Variants in ZBTB20 observed in about 807,000 individuals in gnomAD.
The protein encoded by ZBTB20 is zinc finger and BTB domain containing 20, also known as zinc finger and BTB domain-containing protein 20.
Under a neutral mutation model 56.9 loss-of-function variants are expected in ZBTB20, and 9 were observed. The observed-to-expected ratio is 0.16, with a 90% CI of 0.10 to 0.28. The LOEUF (loss-of-function observed/expected upper bound fraction) is 0.28, where lower values mean the gene tolerates loss of function less well. ZBTB20 is among the 10% of genes least tolerant of loss of function. The pLI is 1.00. For missense variants in ZBTB20, 655 were observed against 1,003.0 expected (o/e 0.65, Z 4.69); for synonymous variants, 417 against 420.7 (o/e 0.99, Z 0.11).
At chr3:114,869,617 A>C (rs908994938) in intron 4 of ZBTB20, among the ~76,000 whole-genome samples, 1 of 151,662 alleles carries the variant, frequency 6.6e-6, no homozygotes, top group South Asian at 2.1e-4. Flanking sequence ...GTTAATAACA[A>C]ATGCTTCCTT....
chr3:114,625,839 G>A (rs1006519693), intron 6 of ZBTB20, among the ~76,000 whole-genome samples: 1 of 151,976 alleles, frequency 6.6e-6, no homozygotes, highest in African/African-American at 2.4e-5. Context: ...AGAAAAACAA[G>A]GTTCAACATA....
intron 7 of ZBTB20, among the ~76,000 whole-genome samples, chr3:114,416,738 A>T (rs1189987095): frequency 6.6e-6 from 1 of 152,070 alleles, no homozygotes; most frequent in Admixed American, 6.6e-5. Context: ...TTATAACTCA[A>T]CTATCAAAAT....
intron 3 of ZBTB20, among the ~76,000 whole-genome samples, chr3:114,915,035 T>C (rs1057013035): frequency 2.0e-5 from 3 of 151,566 alleles, no homozygotes; most frequent in Admixed American, 2.0e-4. Context: ...TTGTTTTCTT[T>C]TCTTTTTTTT....
chr3:115,087,056 A>T (rs2083012070), intron 1 of ZBTB20, among the ~76,000 whole-genome samples: 1 of 151,846 alleles, frequency 6.6e-6, no homozygotes. Flanking sequence ...GGGTTCAAGC[A>T]CAGAGGCTAA....
intron 6 of ZBTB20, among the ~76,000 whole-genome samples, chr3:114,686,705 G>C (rs1016186893): frequency 6.6e-6 from 1 of 151,892 alleles, no homozygotes; most frequent in African/African-American, 2.4e-5. Context: ...CTGAATCCTC[G>C]AAAAACCACA....
At chr3:114,653,095 C>G (rs2060216202) in intron 6 of ZBTB20, among the ~76,000 whole-genome samples, 1 of 151,904 alleles carries the variant, frequency 6.6e-6, no homozygotes, top group African/African-American at 2.4e-5. Context: ...CACAATGTTA[C>G]TTCTTCCTTT....
chr3:114,824,848 T>A (rs1055145209), intron 4 of ZBTB20, among the ~76,000 whole-genome samples: 4 of 152,076 alleles, frequency 2.6e-5, no homozygotes, highest in South Asian at 2.1e-4. Context: ...TTTCATTAGC[T>A]TATATTTTTA....
At chr3:115,143,898 T>C (rs2084891265) in intron 1 of ZBTB20, among the ~76,000 whole-genome samples, 1 of 152,192 alleles carries the variant, frequency 6.6e-6, no homozygotes, top group Admixed American at 6.5e-5. Context: ...TCTTTCAAAC[T>C]GTAGTTCCTA....
At chr3:114,670,945 A>G (rs73224538) in intron 6 of ZBTB20, among the ~76,000 whole-genome samples, 1,720 of 152,134 alleles carry the variant, frequency 0.011, 25 homozygotes, top group Non-Finnish European at 0.017. Context: ...AACTGTTGAC[A>G]TTTTTTGCTG....
chr3:114,951,610 G>A (rs569608431), intron 3 of ZBTB20, among the ~76,000 whole-genome samples: 1 of 152,212 alleles, frequency 6.6e-6, no homozygotes, highest in South Asian at 2.1e-4. Context: ...AACCACAGAA[G>A]GAATCTTGTA....
intron 5 of ZBTB20, among the ~76,000 whole-genome samples, chr3:114,774,769 C>T (rs567931237): frequency 1.3e-5 from 2 of 152,240 alleles, no homozygotes; most frequent in Admixed American, 6.5e-5. Context: ...ATAAGAAAGG[C>T]ATGATGTTCT....
At chr3:114,965,826 G>T (rs1294837956) in intron 3 of ZBTB20, among the ~76,000 whole-genome samples, 2 of 151,834 alleles carry the variant, frequency 1.3e-5, no homozygotes, top group Admixed American at 1.3e-4. Flanking sequence ...CGTCTATTCA[G>T]GTCCTTTGCC....
intron 4 of ZBTB20, among the ~76,000 whole-genome samples, chr3:114,863,757 T>C (rs2075640165): frequency 6.6e-6 from 1 of 152,086 alleles, no homozygotes; most frequent in Non-Finnish European, 1.5e-5. Flanking sequence ...TGGGTTCACT[T>C]GTAGGACACA....
At chr3:114,646,329 G>A (rs1377989818) in intron 6 of ZBTB20, among the ~76,000 whole-genome samples, 2 of 151,864 alleles carry the variant, frequency 1.3e-5, no homozygotes, top group Non-Finnish European at 2.9e-5. Flanking sequence ...TACAGAGAAC[G>A]AAAGATACAT....
intron 2 of ZBTB20, among the ~76,000 whole-genome samples, chr3:115,062,829 T>C (rs954640949): frequency 1.3e-5 from 2 of 152,160 alleles, no homozygotes; most frequent in African/African-American, 4.8e-5. Context: ...TGAGAATAGA[T>C]GCACTAGCCA....
chr3:114,995,991 A>T (rs1483308474), intron 2 of ZBTB20, among the ~76,000 whole-genome samples: 1 of 151,868 alleles, frequency 6.6e-6, no homozygotes, highest in Non-Finnish European at 1.5e-5. Flanking sequence ...AGGGAATGTC[A>T]GCAAATGTCA....
intron 5 of ZBTB20, among the ~76,000 whole-genome samples, chr3:114,701,503 G>A (rs1238039500): frequency 6.6e-6 from 1 of 152,162 alleles, no homozygotes; most frequent in Non-Finnish European, 1.5e-5. Context: ...TATTTACTGA[G>A]TACATACTAC....
intron 6 of ZBTB20, among the ~76,000 whole-genome samples, chr3:114,555,475 C>T (rs2051093817): frequency 6.6e-6 from 1 of 152,012 alleles, no homozygotes; most frequent in Non-Finnish European, 1.5e-5. Context: ...CACAATATTT[C>T]CCCCATAGAA....
chr3:115,083,732 T>C (rs1039317478), intron 1 of ZBTB20, among the ~76,000 whole-genome samples: 11 of 151,992 alleles, frequency 7.2e-5, no homozygotes, highest in Non-Finnish European at 1.5e-4. Flanking sequence ...TAGGGGTCAA[T>C]GACCCATAGC....
Sources: allele counts gnomAD v4.1 joint callset (sites outside exome capture counted in the v4.1 genomes callset), GRCh38; gene constraint gnomAD v4.1.1; transcripts MANE v1.5; gene names NCBI Gene and HGNC (gene_info 2026-07-23, HGNC 2026-07-21).